SLC30A8: variants seen among roughly 807,000 people sequenced by gnomAD.
The protein encoded by SLC30A8 is proton-coupled zinc antiporter SLC30A8.
A neutral mutation model predicts 36.9 loss-of-function variants in SLC30A8; 27 were observed. The ratio of observed to expected loss-of-function variants is 0.73; its 90% confidence interval spans 0.54 to 1.01. The LOEUF (loss-of-function observed/expected upper bound fraction) is 1.01. SLC30A8 is among the 50% of genes least tolerant of loss of function. The probability of loss-of-function intolerance (pLI) is 0.00; values close to 1 mark genes in which losing one functional copy is unlikely to be tolerated. For synonymous variants in SLC30A8, 164 were observed against 172.4 expected, an observed-to-expected ratio of 0.95 and a Z score of 0.38; for missense variants, 439 against 452.0, an observed-to-expected ratio of 0.97 and a Z score of 0.26.
chr8:117,084,744 C>T (rs911437412), intron 2 of SLC30A8, among the ~76,000 whole-genome samples: 5 of 152,104 alleles, frequency 3.3e-5, no homozygotes, highest in Admixed American at 1.3e-4. Flanking sequence ...ACAGTCTCTC[C>T]GCTAAAGACT....
intron 1 of SLC30A8, among the ~76,000 whole-genome samples, chr8:117,029,791 A>G (rs1816978014): frequency 6.6e-6 from 1 of 152,212 alleles, no homozygotes; most frequent in South Asian, 2.1e-4. Context: ...TAACACTGCA[A>G]ACAAATTCAA....
chr8:117,119,471 C>G (rs368286036), intron 2 of SLC30A8, among the ~76,000 whole-genome samples: 3 of 151,930 alleles, frequency 2.0e-5, no homozygotes, highest in South Asian at 2.1e-4. Context: ...CCATGTTAGT[C>G]CAAGAGGAAG....
chr8:117,052,519 T>C (rs891187944), intron 2 of SLC30A8, among the ~76,000 whole-genome samples: 4 of 152,262 alleles, frequency 2.6e-5, no homozygotes, highest in Admixed American at 1.3e-4. Flanking sequence ...TTTCTAAGAA[T>C]GCAGCCACTG....
chr8:117,065,139 A>G (rs934577580), intron 2 of SLC30A8, among the ~76,000 whole-genome samples: 1 of 152,182 alleles, frequency 6.6e-6, no homozygotes, highest in African/African-American at 2.4e-5. Context: ...CTGGGTCAGA[A>G]AGATTGCAAC....
intron 1 of SLC30A8, among the ~76,000 whole-genome samples, chr8:116,984,019 C>A (rs376071424): frequency 6.6e-6 from 1 of 152,106 alleles, no homozygotes; most frequent in Non-Finnish European, 1.5e-5. Flanking sequence ...CTCTAGCCAC[C>A]GCTAATCTGT....
At chr8:117,069,596 A>G (rs1225688980) in intron 2 of SLC30A8, among the ~76,000 whole-genome samples, 1 of 152,244 alleles carries the variant, frequency 6.6e-6, no homozygotes, top group African/African-American at 2.4e-5. Flanking sequence ...ATGTCTAAGT[A>G]TTTTGAAGTT....
chr8:117,149,250 G>C (rs552847553), intron 2 of SLC30A8, among the ~76,000 whole-genome samples: 1 of 152,102 alleles, frequency 6.6e-6, no homozygotes, highest in Admixed American at 6.5e-5. Flanking sequence ...CTTTACTTTT[G>C]ACTTTGTTTT....
chr8:117,056,292 A>T (rs141589230), intron 2 of SLC30A8: 1 of 152,206 alleles, frequency 6.6e-6, no homozygotes, highest in African/African-American at 2.4e-5. Context: ...GTCCAACATG[A>T]TGTAATCAGT....
Position 117,022,936 on chromosome 8 carries a change from G to A in SLC30A8, c.-265-16283G>A, listed in dbSNP as rs4672089. ...AAAAGAGACTACCATCAGATGAATA[G>A]GCAACCTATAGAATGGGAGAAAATT... On this transcript the variant is annotated intron_variant, in intron 1 of 10. Transcript: ENST00000427715. Among the ~76,000 whole-genome samples, 163 of 152,250 alleles carry A rather than the reference G, an allele frequency of 1.1e-3. 2 individuals carry two copies. Among genetic ancestry groups the A allele is most frequent in the African/African-American group, 3.6e-3 (148 of 41,532 alleles).
chr8:117,006,721 A>G (rs1459702158), intron 1 of SLC30A8, among the ~76,000 whole-genome samples: 1 of 151,354 alleles, frequency 6.6e-6, no homozygotes, highest in African/African-American at 2.4e-5. Flanking sequence ...CAGAGATGCT[A>G]AGTAACATCA....
intron 3 of SLC30A8, among the ~76,000 whole-genome samples, chr8:117,157,223 T>G (rs1236229840): frequency 6.6e-6 from 1 of 152,228 alleles, no homozygotes; most frequent in Non-Finnish European, 1.5e-5. Flanking sequence ...TCAAGTGCTC[T>G]CTGAAGCTTT....
In SLC30A8 at chr8:117,135,069, G is replaced by A. The variant is rs781010871; in HGVS notation, c.-259G>A. 8 of 331,802 alleles carry A rather than the reference G, an allele frequency of 2.4e-5. No individual in the cohort carries two copies. The highest frequency in any genetic ancestry group is 4.4e-5 in the Non-Finnish European group (8 of 182,688). The allele number at this position is 331,802 out of a possible 1,614,324, so 20.6% of individuals were successfully genotyped here. ...CATATGAAAGACATACACACTTCAT[G>A]TAATGCTACCTGCAAGTCTCCCTAG... On this transcript the variant is annotated 5_prime_UTR_variant, in exon 1 of 8. It removes an upstream start codon present in the reference 5' UTR. Transcript: ENST00000456015.
chr8:117,079,264 C>T (rs1818587609), intron 2 of SLC30A8, among the ~76,000 whole-genome samples: 1 of 152,096 alleles, frequency 6.6e-6, no homozygotes, highest in Non-Finnish European at 1.5e-5. Context: ...CCTGTCTCGG[C>T]CCCCTAAAGT....
At chr8:117,118,176 CAA>C (rs57091173) in intron 2 of SLC30A8, among the ~76,000 whole-genome samples, 36 of 87,550 alleles carry the variant, frequency 4.1e-4, no homozygotes, top group African/African-American at 7.1e-4. Flanking sequence ...CTCTCTGTCT[CAA>C]AAAAAAAAAA....
At chr8:117,032,368 ATAAGTT>A (rs926935065) in intron 1 of SLC30A8, among the ~76,000 whole-genome samples, 13 of 152,196 alleles carry the variant, frequency 8.5e-5, no homozygotes, top group Non-Finnish European at 1.9e-4. Flanking sequence ...CAGGCAGTTA[ATAAGTT>A]TTTGCCAAAT....
chr8:117,145,364 T>G (rs1186086744), intron 1 of SLC30A8, among the ~76,000 whole-genome samples: 1 of 149,980 alleles, frequency 6.7e-6, no homozygotes, highest in Non-Finnish European at 1.5e-5. Context: ...ACTTTGTGAT[T>G]TTTTTTTGTA....
At chr8:117,132,981 CTT>C (rs1821196867), upstream of SLC30A8, among the ~76,000 whole-genome samples, 1 of 151,924 alleles carries the variant, frequency 6.6e-6, no homozygotes, top group Admixed American at 6.6e-5. Context: ...TCAAGAGTAA[CTT>C]TTGGGATTCA....
At chr8:116,985,313 C>T (rs1041737153) in intron 1 of SLC30A8, among the ~76,000 whole-genome samples, 2 of 150,962 alleles carry the variant, frequency 1.3e-5, no homozygotes, top group African/African-American at 2.4e-5. Flanking sequence ...CACACACACA[C>T]ACACACACAC....
intron 2 of SLC30A8, among the ~76,000 whole-genome samples, chr8:117,077,542 A>C (rs377663313): frequency 6.6e-6 from 1 of 152,234 alleles, no homozygotes; most frequent in South Asian, 2.1e-4. Context: ...GAAGAATATG[A>C]CTACTTTATT....
Sources: gnomAD v4.1 joint callset for allele counts (sites outside exome capture counted in the v4.1 genomes callset) on GRCh38, gnomAD v4.1.1 for gene constraint, MANE v1.5 for transcripts, NCBI Gene and HGNC (gene_info 2026-07-23, HGNC 2026-07-21) for gene names.